The following DAB1 variants were observed in gnomAD, a reference collection of about 807,000 sequenced individuals.
DAB1 encodes DAB adaptor protein 1, also known as disabled homolog 1.
DAB1 carries 15 observed loss-of-function variants against 64.6 expected under a neutral mutation model. The observed-to-expected ratio is 0.23, with a 90% CI of 0.16 to 0.36. DAB1 has a LOEUF of 0.36. DAB1 is among the 10% of genes least tolerant of loss of function. The probability of loss-of-function intolerance (pLI) is 1.00; values close to 1 mark genes in which losing one functional copy is unlikely to be tolerated. For missense variants in DAB1, 596 were observed against 706.7 expected, an observed-to-expected ratio of 0.84 and a Z score of 1.78; for synonymous variants, 235 against 251.9, an observed-to-expected ratio of 0.93 and a Z score of 0.64.
chr1:57,349,446 T>C (rs1277417113), intron 1 of DAB1, among the ~76,000 whole-genome samples: 1 of 152,006 alleles, frequency 6.6e-6, no homozygotes, highest in Non-Finnish European at 1.5e-5. Flanking sequence ...TTTCCTCCAC[T>C]ACACTCGAAG....
chr1:58,384,573 T>C (rs1190636694), intron 3 of DAB1, among the ~76,000 whole-genome samples: 1 of 152,108 alleles, frequency 6.6e-6, no homozygotes, highest in Non-Finnish European at 1.5e-5. Flanking sequence ...GGGAGTTTAT[T>C]AAGGAGTATG....
intron 4 of DAB1, among the ~76,000 whole-genome samples, chr1:57,084,007 G>T (rs529905970): frequency 6.6e-6 from 1 of 152,296 alleles, no homozygotes; most frequent in South Asian, 2.1e-4. Flanking sequence ...AATGGGAGTT[G>T]CTCTCCAGCT....
rs1320997751 is a variant in DAB1, at chr1:57,974,513, G to GAT, written n.388-90353_388-90352dup. Among the ~76,000 whole-genome samples the GAT allele has an allele frequency of 9.5e-3, 1,438 of 151,752 alleles. 17 individuals are homozygous for GAT. Among genetic ancestry groups the GAT allele is most frequent in the African/African-American group, 0.03 (1,250 of 41,408 alleles). ...TTATATATATATAGATATATAGATAGATAGATATATAATACCAATTCCTAG... is the reference window on the plus strand; with the variant it reads ...TTATATATATATAGATATATAGATAGATATAGATATATAATACCAATTCCTAG... On this transcript the variant is annotated intron_variant and non_coding_transcript_variant, in intron 5 of 20. Coordinates refer to the DAB1 transcript ENST00000485760.
At chr1:58,086,689 C>T (rs1242388295) in intron 5 of DAB1, among the ~76,000 whole-genome samples, 1 of 151,890 alleles carries the variant, frequency 6.6e-6, no homozygotes, top group Non-Finnish European at 1.5e-5. Flanking sequence ...TTCTCACATA[C>T]CAGGGAATGG....
intron 3 of DAB1, among the ~76,000 whole-genome samples, chr1:58,504,799 C>A (rs1645961069): frequency 1.3e-5 from 2 of 152,150 alleles, no homozygotes; most frequent in African/African-American, 4.8e-5. Context: ...TAAATCATAT[C>A]CTTGTACTAA....
At chr1:57,190,577 C>T (rs78043283) in intron 2 of DAB1, among the ~76,000 whole-genome samples, 4,526 of 152,250 alleles carry the variant, frequency 0.03, 248 homozygotes, top group African/African-American at 0.1. Flanking sequence ...CTGCTGTCTC[C>T]AGAGTCTACT....
chr1:57,329,292 A>G (rs1676444776), intron 1 of DAB1, among the ~76,000 whole-genome samples: 1 of 152,164 alleles, frequency 6.6e-6, no homozygotes. Context: ...CCTCCCTCCA[A>G]AGCCCATGAG....
chr1:57,931,849 A>C (rs1644957326), intron 5 of DAB1, among the ~76,000 whole-genome samples: 1 of 151,900 alleles, frequency 6.6e-6, no homozygotes, highest in African/African-American at 2.4e-5. Context: ...TATTCCATGG[A>C]TTCCTGCTCT....
At chr1:57,702,467 T>C (rs573094187) in intron 6 of DAB1, among the ~76,000 whole-genome samples, 65 of 152,176 alleles carry the variant, frequency 4.3e-4, no homozygotes, top group Non-Finnish European at 7.6e-4. Context: ...CTGCTCCAAC[T>C]TGTAAAATGT....
At chr1:57,610,991 T>C (rs1036333658) in intron 7 of DAB1, among the ~76,000 whole-genome samples, 4 of 152,210 alleles carry the variant, frequency 2.6e-5, no homozygotes, top group Non-Finnish European at 5.9e-5. Context: ...ATCTTTCTTT[T>C]GGACTATAAA....
chr1:57,332,782 T>C (rs571754073), intron 1 of DAB1, among the ~76,000 whole-genome samples: 5 of 152,206 alleles, frequency 3.3e-5, no homozygotes, highest in Non-Finnish European at 7.4e-5. Context: ...CAAGGTCACA[T>C]GGCCAATTTC....
intron 4 of DAB1, among the ~76,000 whole-genome samples, chr1:58,257,678 A>G (rs1247023360): frequency 6.6e-6 from 1 of 152,246 alleles, no homozygotes; most frequent in African/African-American, 2.4e-5. Flanking sequence ...AAATACTTCT[A>G]TAAAACATAT....
At chr1:57,367,137 T>G (rs1342705415) in intron 1 of DAB1, among the ~76,000 whole-genome samples, 1 of 145,896 alleles carries the variant, frequency 6.9e-6, no homozygotes, top group Non-Finnish European at 1.5e-5. Flanking sequence ...TAGCCAGGCA[T>G]GGTGCCATAC....
At chr1:58,432,642 C>T (rs1434061992) in intron 3 of DAB1, among the ~76,000 whole-genome samples, 3 of 152,184 alleles carry the variant, frequency 2.0e-5, no homozygotes, top group Non-Finnish European at 4.4e-5. Context: ...TCACTCCTCC[C>T]CCTGCCCCAA....
intron 6 of DAB1, among the ~76,000 whole-genome samples, chr1:57,678,095 GAAA>G (rs2101693002): frequency 6.6e-6 from 1 of 152,266 alleles, no homozygotes; most frequent in East Asian, 1.9e-4. Context: ...AGACAAGGTT[GAAA>G]ATCCACAGAC....
chr1:58,207,140 T>G (rs1295678651), intron 4 of DAB1, among the ~76,000 whole-genome samples: 2 of 152,208 alleles, frequency 1.3e-5, no homozygotes, highest in Non-Finnish European at 2.9e-5. Flanking sequence ...CAACTAACCC[T>G]GCAGATACTT....
At chr1:57,168,050 A>G (rs1661369159) in intron 2 of DAB1, among the ~76,000 whole-genome samples, 1 of 152,182 alleles carries the variant, frequency 6.6e-6, no homozygotes, top group African/African-American at 2.4e-5. Context: ...TAATATTTCT[A>G]AAATGTCGTA....
intron 7 of DAB1, among the ~76,000 whole-genome samples, chr1:57,596,079 C>T (rs1417128647): frequency 1.3e-5 from 2 of 152,120 alleles, no homozygotes; most frequent in Non-Finnish European, 2.9e-5. Flanking sequence ...TTTCACTGTC[C>T]TTTAACAGGT....
intron 3 of DAB1, among the ~76,000 whole-genome samples, chr1:58,438,727 G>T (rs879459183): frequency 3.3e-5 from 5 of 152,198 alleles, no homozygotes; most frequent in Admixed American, 3.3e-4. Flanking sequence ...TGGCTAGTGT[G>T]AAAGAACACA....
Sources: allele counts gnomAD v4.1 joint callset (sites outside exome capture counted in the v4.1 genomes callset), GRCh38; gene constraint gnomAD v4.1.1; transcripts MANE v1.5; gene names NCBI Gene and HGNC (gene_info 2026-07-23, HGNC 2026-07-21).